The following PIAS1 variants were observed in gnomAD, a reference collection of about 807,000 sequenced individuals.
The protein encoded by PIAS1 is E3 SUMO-protein ligase PIAS1.
PIAS1 carries 6 observed loss-of-function variants against 71.3 expected under a neutral mutation model. The ratio of observed to expected loss-of-function variants is 0.08; its 90% CI spans 0.05 to 0.17. The LOEUF is 0.17. Ranked by LOEUF, PIAS1 falls within the 10% of genes least tolerant of loss-of-function variation. The pLI is 1.00. For synonymous variants in PIAS1, 303 were observed against 292.9 expected, an observed-to-expected ratio of 1.03 and a Z score of -0.35; for missense variants, 555 against 793.6, an observed-to-expected ratio of 0.70 and a Z score of 3.61.
chr15:68,193,459 C>A lies in PIAS1; in HGVS notation c.*5624C>A, dbSNP rs1379641914. ...TGAGAATTTGTAAATGGGCCTCTGG[C>A]ACTGCAAGAATTGTTGTCATAAGTG... On this transcript the variant is annotated 3_prime_UTR_variant, in exon 14 of 14. Transcript: ENST00000249636. The A allele has an allele frequency of 6.6e-6, 1 of 152,664 alleles. No homozygotes were observed. The highest frequency in any genetic ancestry group is 1.5e-5 in the Non-Finnish European group (1 of 68,360). The allele number at this position is 152,664 out of a possible 1,614,324, so 9.5% of individuals were successfully genotyped here.
At chr15:68,111,205 C>T (rs1374762076) in intron 2 of PIAS1, among the ~76,000 whole-genome samples, 1 of 152,068 alleles carries the variant, frequency 6.6e-6, no homozygotes, top group Middle Eastern at 3.2e-3. Flanking sequence ...ATGGGCTATC[C>T]CTGGGAAAAT....
chr15:68,166,303 A>G (rs1022548962), intron 8 of PIAS1, among the ~76,000 whole-genome samples: 1 of 152,098 alleles, frequency 6.6e-6, no homozygotes, highest in South Asian at 2.1e-4. Context: ...CCTAGGTTGT[A>G]AAGGAGACTG....
intron 1 of PIAS1, among the ~76,000 whole-genome samples, chr15:68,059,924 A>G (rs1159083389): frequency 1.3e-5 from 2 of 152,064 alleles, no homozygotes; most frequent in African/African-American, 2.4e-5. Context: ...CACCCACTCT[A>G]CAAAATTAGC....
In PIAS1 at chr15:68,081,826, A is replaced by T. The variant is rs537641606; in HGVS notation, c.25-4480A>T. Among the ~76,000 whole-genome samples the T allele has an allele frequency of 5.9e-5, 9 of 152,154 alleles. No individual in the cohort carries two copies. The South Asian group carries it at 1.9e-3, about 32-fold the overall frequency. On this transcript the variant is annotated intron_variant, in intron 1 of 13. Coordinates refer to ENST00000249636, the MANE Select transcript of PIAS1 (RefSeq NM_016166.3). The stretch of plus-strand genomic sequence containing the variant: ...AACACAAAGACATGGAAGGAAGATT[A>T]TTGTAAGAAAACTTCCCAGAACTGA...
At chr15:68,067,790 A>G (rs1320919951) in intron 1 of PIAS1, among the ~76,000 whole-genome samples, 1 of 152,184 alleles carries the variant, frequency 6.6e-6, no homozygotes, top group Non-Finnish European at 1.5e-5. Flanking sequence ...GTAGTAAAAC[A>G]AACATCAAGC....
chr15:68,167,401 T>C lies in PIAS1; in HGVS notation c.1008+2597T>C, dbSNP rs1158106172. On this transcript the variant is annotated intron_variant, in intron 8 of 13. Transcript: ENST00000249636. The surrounding 1 kb of genome is among the most constrained non-coding windows in gnomAD (Gnocchi z 4.4). ...AAAGAGATTTGTGCTCTTTGAAATA[T>C]GTAAATATGATGTCTCACTGTGCAT... Among the ~76,000 whole-genome samples the C allele has an allele frequency of 6.6e-6, 1 of 152,212 alleles. No individual in the cohort carries two copies. The highest frequency in any genetic ancestry group is 2.1e-4 in the South Asian group (1 of 4,834).
intron 2 of PIAS1, among the ~76,000 whole-genome samples, chr15:68,129,582 A>T (rs2092674950): frequency 6.6e-6 from 1 of 152,172 alleles, no homozygotes; most frequent in Admixed American, 6.6e-5. Context: ...TGATTTAAAA[A>T]GATGAAGAAC....
At chr15:68,109,853 A>G (rs1413435945) in intron 2 of PIAS1, among the ~76,000 whole-genome samples, 1 of 152,132 alleles carries the variant, frequency 6.6e-6, no homozygotes, top group African/African-American at 2.4e-5. Context: ...GCACACAAGA[A>G]ATGTCTACTC....
At chr15:68,062,921 A>G (rs1413342609) in intron 1 of PIAS1, among the ~76,000 whole-genome samples, 1 of 152,180 alleles carries the variant, frequency 6.6e-6, no homozygotes, top group Non-Finnish European at 1.5e-5. Context: ...AACAGTGTGT[A>G]ATATTTCCTA....
At position 68,133,105 on chromosome 15, in the gene PIAS1, A is replaced by C. The variant is rs376724078; in HGVS notation, c.470-8841A>C. On this transcript the variant is annotated intron_variant, in intron 2 of 13. Coordinates refer to ENST00000249636, the MANE Select transcript of PIAS1 (RefSeq NM_016166.3). ...TTGTCACTTTAATGATGTATCTTAG[A>C]GAGATCACTCCCATACCAACACATA... 9.9e-5 allele frequency among the ~76,000 whole-genome samples: 15 copies of C among 151,996 alleles called. 1 individual carries two copies. The highest frequency in any genetic ancestry group is 1.7e-4 in the African/African-American group (7 of 41,496).
intron 9 of PIAS1, among the ~76,000 whole-genome samples, chr15:68,175,396 T>C (rs1434315460): frequency 6.6e-6 from 1 of 152,222 alleles, no homozygotes; most frequent in Non-Finnish European, 1.5e-5. Flanking sequence ...AATTTTATTT[T>C]TGAAATGAAG....
intron 2 of PIAS1, among the ~76,000 whole-genome samples, chr15:68,131,795 G>A (rs931917015): frequency 6.6e-6 from 1 of 152,068 alleles, no homozygotes; most frequent in African/African-American, 2.4e-5. Context: ...TTGGTATTTT[G>A]AATAGTGCTG....
intron 1 of PIAS1, among the ~76,000 whole-genome samples, chr15:68,072,941 T>C (rs562872884): frequency 6.6e-6 from 1 of 152,358 alleles, no homozygotes; most frequent in East Asian, 1.9e-4. Flanking sequence ...TTGCTGAGTT[T>C]GGATGCCAGT....
In PIAS1 at chr15:68,054,595, C is replaced by T. The variant is rs569892713; in HGVS notation, c.24+245C>T. 52 of 328,392 alleles carry T rather than the reference C, an allele frequency of 1.6e-4. No individual in the cohort carries two copies. The highest frequency in any genetic ancestry group is 9.9e-4 in the African/African-American group (44 of 44,292). 20.3% of individuals were successfully genotyped at this position (328,392 alleles called of 1,614,324 possible). A position where few individuals can be genotyped will look rare whatever the true frequency, so the allele number is the denominator to read the frequency against. ...GTGTTATTGTTGTGGGCGCCTCTGG[C>T]GGGGGTGGCGGGGGAAGAGATAGGG... On this transcript the variant is annotated intron_variant, in intron 1 of 13. Coordinates refer to ENST00000249636, the MANE Select transcript of PIAS1 (RefSeq NM_016166.3). The surrounding 1 kb of genome is among the most constrained non-coding windows in gnomAD (Gnocchi z 4.6).
intron 1 of PIAS1, among the ~76,000 whole-genome samples, chr15:68,055,635 T>A (rs1294984431): frequency 6.6e-6 from 1 of 152,198 alleles, no homozygotes; most frequent in Non-Finnish European, 1.5e-5. Context: ...GCTTCCTGTG[T>A]GTGTGAACCC....
chr15:68,182,087 T>G (rs1332591043), intron 12 of PIAS1, among the ~76,000 whole-genome samples: 5 of 152,184 alleles, frequency 3.3e-5, no homozygotes, highest in Non-Finnish European at 7.3e-5. Flanking sequence ...AGTTTTAGTT[T>G]TTATTCTAAT....
At chr15:68,158,138 A>G (rs1185138261) in intron 7 of PIAS1, among the ~76,000 whole-genome samples, 1 of 152,150 alleles carries the variant, frequency 6.6e-6, no homozygotes, top group African/African-American at 2.4e-5. Context: ...AAAAACTCCA[A>G]GTATGTTAGC....
intron 2 of PIAS1, among the ~76,000 whole-genome samples, chr15:68,139,578 A>G (rs905202297): frequency 3.9e-5 from 6 of 152,212 alleles, no homozygotes; most frequent in African/African-American, 9.6e-5. Context: ...TCTGATCGCT[A>G]TATACTGTAT....
intron 2 of PIAS1, among the ~76,000 whole-genome samples, chr15:68,129,839 T>C (rs1243277021): frequency 6.9e-6 from 1 of 145,772 alleles, no homozygotes; most frequent in Non-Finnish European, 1.5e-5. Flanking sequence ...ACACACACTC[T>C]TACATAGATT....
Sources: gnomAD v4.1 joint callset for allele counts (sites outside exome capture counted in the v4.1 genomes callset) on GRCh38, gnomAD v4.1.1 for gene constraint, Gnocchi (gnomAD v3.1) non-coding constraint, MANE v1.5 for transcripts, NCBI Gene and HGNC (gene_info 2026-07-23, HGNC 2026-07-21) for gene names.